The following TUBGCP5 variants were observed in gnomAD, a reference collection of about 807,000 sequenced individuals.
TUBGCP5 encodes the protein gamma-tubulin complex component 5.
In TUBGCP5, 98 loss-of-function variants were observed where a neutral mutation model predicts 134.7. The observed-to-expected ratio is 0.73, with a 90% confidence interval of 0.62 to 0.86. TUBGCP5 has a LOEUF of 0.86. TUBGCP5 is among the 40% of genes least tolerant of loss of function. The pLI is 0.00. For missense variants in TUBGCP5, 1,150 were observed against 1,244.8 expected, an observed-to-expected ratio of 0.92 and a Z score of 1.15; for synonymous variants, 456 against 431.4, an observed-to-expected ratio of 1.06 and a Z score of -0.71.
chr15:23,027,849 T>C (rs1207313903), intron 6 of TUBGCP5, among the ~76,000 whole-genome samples: 1 of 151,344 alleles, frequency 6.6e-6, no homozygotes, highest in African/African-American at 2.4e-5. Flanking sequence ...AATTGCCACA[T>C]ACATAAAAAG....
chr15:23,008,993 C>T, intron 15 of TUBGCP5, 112 bp from the exon 16 acceptor site: 1 of 792,994 alleles, frequency 1.3e-6, no homozygotes, highest in Non-Finnish European at 1.9e-6. Flanking sequence ...TTACATTCTA[C>T]ATTTACTAAA....
At chr15:23,020,782 A>C (rs535925824) in intron 11 of TUBGCP5, among the ~76,000 whole-genome samples, 3 of 152,230 alleles carry the variant, frequency 2.0e-5, no homozygotes, top group South Asian at 2.1e-4. Flanking sequence ...TCTGTTACCC[A>C]AGCTGGAGTG....
At chr15:23,026,016 T>A in intron 8 of TUBGCP5, 100 bp downstream of exon 8, 1 of 881,868 alleles carries the variant, frequency 1.1e-6, no homozygotes, top group Non-Finnish European at 1.8e-6. Context: ...CCTTTTCTAG[T>A]TTGCATGTGA....
chr15:23,038,736 C>T (rs977927464), intron 1 of TUBGCP5, among the ~76,000 whole-genome samples: 8 of 152,074 alleles, frequency 5.3e-5, no homozygotes, highest in African/African-American at 1.9e-4. Flanking sequence ...TAATTTACAT[C>T]TCCCATAAAG....
rs767899253 is a variant in TUBGCP5, at chr15:23,027,215, C to A, written c.714G>T (p.Leu238Phe). Residue 238 changes from leucine (L) to phenylalanine (F), a missense_variant, in exon 7 of 23, where the codon TTG (leucine) becomes TTT (phenylalanine). By Grantham distance (22) the Leu-to-Phe change is conservative (BLOSUM62 0). This residue lies in a region of TUBGCP5 where 453 missense variants were observed against 394.7 expected (regional missense o/e 1.15). Coordinates refer to ENST00000615383, the MANE Select transcript of TUBGCP5 (RefSeq NM_052903.6). Reference sequence around the variant, plus strand: ...ACCAGACAGCAGCTAAATTAGAGTGCAAATGTAAACTATGAGGAAACTGGG... The same window carrying A: ...ACCAGACAGCAGCTAAATTAGAGTGAAAATGTAAACTATGAGGAAACTGGG... ...RPSQFPHSLH[L>F]HSNLAAVWDQ... 3 of 1,613,508 alleles carry A rather than the reference C, an allele frequency of 1.9e-6. No homozygotes were observed. In the East Asian group the frequency reaches 6.7e-5, roughly 36 times the overall value.
intron 15 of TUBGCP5, among the ~76,000 whole-genome samples, chr15:23,009,613 A>AT (rs2064921923): frequency 6.6e-6 from 1 of 151,306 alleles, no homozygotes; most frequent in African/African-American, 2.4e-5. Flanking sequence ...ATATGTGGGT[A>AT]TGTATATGCC....
Position 23,006,271 on chromosome 15 carries a change from G to A in TUBGCP5, c.2409C>T (p.Tyr803=). ...TACAAGGAATATCAGCATATACCTTGTAGCTGAGGGTCAGACCATCTAAGA... is the reference window on the plus strand; with the variant it reads ...TACAAGGAATATCAGCATATACCTTATAGCTGAGGGTCAGACCATCTAAGA... The part of the protein sequence containing the change: ...VHILDGLTLS[Y]KVPWPVDIVI... Residue 803 remains tyrosine, a synonymous_variant, in exon 17 of 23, where the codon TAC becomes TAT. Transcript: ENST00000615383. 4 of 1,609,302 alleles carry A rather than the reference G, an allele frequency of 2.5e-6. No homozygotes were observed. Among genetic ancestry groups the A allele is most frequent in the Non-Finnish European group, 3.4e-6 (4 of 1,178,830 alleles).
intron 23 of TUBGCP5, among the ~76,000 whole-genome samples, chr15:22,988,355 A>G (rs1366211697): frequency 6.6e-6 from 1 of 151,874 alleles, no homozygotes; most frequent in Non-Finnish European, 1.5e-5. Context: ...CCCGAAACTG[A>G]GCAGGTAAAG....
chr15:23,035,337 A>AAAAAAAG (rs546299990), intron 3 of TUBGCP5, among the ~76,000 whole-genome samples: 10 of 151,794 alleles, frequency 6.6e-5, no homozygotes, highest in African/African-American at 9.7e-5. Context: ...CTTAAAAAAA[A>AAAAAAAG]AAAAGAAAAA....
intron 15 of TUBGCP5, among the ~76,000 whole-genome samples, chr15:23,009,374 T>C (rs1490538967): frequency 2.0e-5 from 3 of 151,962 alleles, no homozygotes; most frequent in Non-Finnish European, 4.4e-5. Context: ...GTTCACGCCA[T>C]TCTCCTGCCC....
At chr15:23,000,275 A>G (rs2064294663) in intron 22 of TUBGCP5, 1 of 1,261,118 alleles carries the variant, frequency 7.9e-7, no homozygotes, top group Non-Finnish European at 9.9e-7. Flanking sequence ...TACAAAAACT[A>G]CACGATAGTG....
At chr15:23,009,210 CTTCT>C (rs2064893504) in intron 15 of TUBGCP5, among the ~76,000 whole-genome samples, 1 of 151,928 alleles carries the variant, frequency 6.6e-6, no homozygotes, top group Non-Finnish European at 1.5e-5. Flanking sequence ...CCTGTCTTCT[CTTCT>C]ATGTGTTAAG....
intron 16 of TUBGCP5, 26 bp downstream of exon 16, chr15:23,008,673 A>T (rs769228019): frequency 3.7e-6 from 6 of 1,603,034 alleles, no homozygotes; most frequent in South Asian, 3.4e-5. Flanking sequence ...ACACTAATTT[A>T]AATAAAGGTG....
intron 6 of TUBGCP5, among the ~76,000 whole-genome samples, chr15:23,027,863 TA>T (rs1236447594): frequency 6.6e-6 from 1 of 150,778 alleles, no homozygotes. Flanking sequence ...TAAAAAGATA[TA>T]AATGGTATAT....
chr15:23,014,746 T>C (rs2065221755), intron 13 of TUBGCP5, among the ~76,000 whole-genome samples: 1 of 152,120 alleles, frequency 6.6e-6, no homozygotes, highest in Non-Finnish European at 1.5e-5. Context: ...GCCTTATAGG[T>C]TACCCCCAGC....
chr15:23,025,830 C>CA (rs553348558), intron 8 of TUBGCP5, among the ~76,000 whole-genome samples: 3,108 of 61,944 alleles, frequency 0.05, 105 homozygotes, highest in African/African-American at 0.15. Flanking sequence ...GACTCCGTCT[C>CA]AAAAAAAAAA....
At chr15:22,998,744 A>G (rs2064209835), downstream of TUBGCP5, among the ~76,000 whole-genome samples, 1 of 152,010 alleles carries the variant, frequency 6.6e-6, no homozygotes, top group Admixed American at 6.6e-5. Flanking sequence ...CCTCCCAAGT[A>G]GCTGGGATTA....
In TUBGCP5 at chr15:23,039,475, G is replaced by A. The variant is rs1278401490; in HGVS notation, c.69C>T (p.Val23=). The A allele has an allele frequency of 4.6e-6, 7 of 1,533,878 alleles. No individual in the cohort carries two copies. The East Asian group carries it at 1.0e-4, about 23-fold the overall frequency. ...CGTCCTGGAGGCCGGCGACACCCCGGACGAGCTCCCGCACGTCGCGCTCCT... is the reference window on the plus strand; with the variant it reads ...CGTCCTGGAGGCCGGCGACACCCCGAACGAGCTCCCGCACGTCGCGCTCCT... ...AQQERDVREL[V]RGVAGLQDEA... Residue 23 remains valine, a synonymous_variant, in exon 1 of 23, where the codon GTC becomes GTT. Transcript: ENST00000615383.
Position 22,990,495 on chromosome 15 carries a change from G to GCTTCT in TUBGCP5, c.*61+6349_*61+6350insAGAAG, listed in dbSNP as rs564316135. The stretch of plus-strand genomic sequence containing the variant: ...GAAAGGTGAGAAAGCAGAAGTAACA[G>GCTTCT]GTAGAAAAACAAATACCAGCAGAAC... On this transcript the variant is annotated intron_variant and NMD_transcript_variant, in intron 23 of 23. Coordinates refer to the TUBGCP5 transcript ENST00000614508. Among the ~76,000 whole-genome samples the GCTTCT allele has an allele frequency of 4.2e-4, 64 of 152,256 alleles. 1 individual carries two copies. The East Asian group carries it at 0.011, about 26-fold the overall frequency.
Sources: allele counts gnomAD v4.1 joint callset (sites outside exome capture counted in the v4.1 genomes callset), GRCh38; gene constraint gnomAD v4.1.1; regional missense constraint gnomAD v4.1.1; transcripts MANE v1.5; gene names NCBI Gene and HGNC (gene_info 2026-07-23, HGNC 2026-07-21).